Variants in GRID2 observed in about 807,000 individuals in gnomAD.
GRID2 encodes glutamate receptor ionotropic, delta-2.
A neutral mutation model predicts 114.8 loss-of-function variants in GRID2; 33 were observed. The observed-to-expected ratio is 0.29, with a 90% CI of 0.22 to 0.38. The LOEUF (loss-of-function observed/expected upper bound fraction) is 0.38, where lower values mean the gene tolerates loss of function less well. GRID2 is among the 10% of genes least tolerant of loss of function. The probability of loss-of-function intolerance (pLI) is 1.00; values close to 1 mark genes in which losing one functional copy is unlikely to be tolerated. For synonymous variants in GRID2, 505 were observed against 449.9 expected, an observed-to-expected ratio of 1.12 and a Z score of -1.55; for missense variants, 1,184 against 1,257.7, an observed-to-expected ratio of 0.94 and a Z score of 0.89.
chr4:93,137,378 A>C (rs935616356), intron 4 of GRID2, among the ~76,000 whole-genome samples: 4 of 152,190 alleles, frequency 2.6e-5, no homozygotes, highest in Non-Finnish European at 5.9e-5. Context: ...AGAAATTTGC[A>C]TTTTATATTA....
chr4:93,327,708 G>A lies in GRID2; in HGVS notation c.1246-67899G>A, dbSNP rs1258435377. On this transcript the variant is annotated intron_variant, in intron 8 of 15. Coordinates refer to ENST00000282020, the MANE Select transcript of GRID2 (RefSeq NM_001510.4). ...AATAATGTGTACACATGGACATAGT[G>A]TGGAAAGGTAGAAAATGGAGACTGG... Among the ~76,000 whole-genome samples the A allele has an allele frequency of 5.3e-5, 8 of 151,434 alleles. 1 individual carries two copies.
At chr4:93,336,713 A>G (rs1414985553) in intron 8 of GRID2, among the ~76,000 whole-genome samples, 1 of 152,140 alleles carries the variant, frequency 6.6e-6, no homozygotes, top group African/African-American at 2.4e-5. Context: ...GGTATTGTCC[A>G]AGAAAAAAAG....
chr4:93,367,977 C>A (rs1177534476), intron 8 of GRID2, among the ~76,000 whole-genome samples: 2 of 152,210 alleles, frequency 1.3e-5, no homozygotes, highest in South Asian at 2.1e-4. Context: ...GACATGAATT[C>A]ATTTCAGAGA....
At chr4:92,641,748 A>G (rs193002026) in intron 2 of GRID2, among the ~76,000 whole-genome samples, 1 of 151,780 alleles carries the variant, frequency 6.6e-6, no homozygotes, top group Non-Finnish European at 1.5e-5. Flanking sequence ...GGTAGTGAGT[A>G]TAGTACCCAA....
chr4:93,223,634 G>A (rs1745147594), intron 6 of GRID2, among the ~76,000 whole-genome samples: 1 of 151,928 alleles, frequency 6.6e-6, no homozygotes, highest in South Asian at 2.1e-4. Context: ...AAACACAAAT[G>A]CTTTAAGATG....
chr4:92,562,445 T>G (rs570714109), intron 1 of GRID2, among the ~76,000 whole-genome samples: 1 of 152,176 alleles, frequency 6.6e-6, no homozygotes, highest in South Asian at 2.1e-4. Flanking sequence ...TACCATAACT[T>G]CACAACTAAT....
At chr4:93,249,049 C>T (rs1748523761) in intron 8 of GRID2, among the ~76,000 whole-genome samples, 1 of 152,116 alleles carries the variant, frequency 6.6e-6, no homozygotes, top group African/African-American at 2.4e-5. Context: ...GATGCTTACT[C>T]TTTCCCATTT....
At chr4:92,578,716 T>TTATCTATCTATCAATCAATCAATC (rs1553902699) in intron 1 of GRID2, among the ~76,000 whole-genome samples, 2 of 111,080 alleles carry the variant, frequency 1.8e-5, no homozygotes, top group African/African-American at 6.9e-5. Flanking sequence ...AAAAATATCA[T>TTATCTATCTATCAATCAATCAATC]TATCTATCTA....
chr4:93,391,782 AGTAC>A (rs1764878711), intron 8 of GRID2, among the ~76,000 whole-genome samples: 1 of 152,212 alleles, frequency 6.6e-6, no homozygotes, highest in Non-Finnish European at 1.5e-5. Context: ...CTTGATCATT[AGTAC>A]ACATGTTAGG....
intron 2 of GRID2, among the ~76,000 whole-genome samples, chr4:92,678,691 T>C (rs1733504184): frequency 6.6e-6 from 1 of 151,966 alleles, no homozygotes; most frequent in Admixed American, 6.5e-5. Context: ...TGATAATGTA[T>C]GCTTTGATGA....
chr4:93,139,359 A>G (rs1197758955), intron 4 of GRID2, among the ~76,000 whole-genome samples: 1 of 152,126 alleles, frequency 6.6e-6, no homozygotes, highest in African/African-American at 2.4e-5. Context: ...CACTGAACAC[A>G]TTATTCTCCC....
At chr4:92,432,979 A>C (rs898850370) in intron 1 of GRID2, among the ~76,000 whole-genome samples, 3 of 151,888 alleles carry the variant, frequency 2.0e-5, no homozygotes, top group African/African-American at 7.3e-5. Flanking sequence ...CCTTCCAAAA[A>C]CGGTCCTTCC....
chr4:93,038,218 C>T (rs1725108163), intron 2 of GRID2, among the ~76,000 whole-genome samples: 1 of 152,084 alleles, frequency 6.6e-6, no homozygotes, highest in Non-Finnish European at 1.5e-5. Context: ...CTCTTTGTAG[C>T]ATTTGTGAAT....
chr4:93,453,347 AGAGAGAGAGAGAGT>A (rs1447076535), intron 10 of GRID2, among the ~76,000 whole-genome samples: 29 of 122,346 alleles, frequency 2.4e-4, no homozygotes, highest in East Asian at 4.4e-4. Context: ...AGAGAGAGAG[AGAGAGAGAGAGAGT>A]GTGTGTATTT....
At chr4:93,676,734 T>A in intron 14 of GRID2, among the ~76,000 whole-genome samples, 1 of 133,380 alleles carries the variant, frequency 7.5e-6, no homozygotes, top group Non-Finnish European at 1.6e-5. Context: ...AATAATGAAA[T>A]TAAAAAAAAA....
chr4:93,449,009 CT>C (rs985449625), intron 10 of GRID2, among the ~76,000 whole-genome samples: 17 of 147,262 alleles, frequency 1.2e-4, no homozygotes, highest in Middle Eastern at 3.4e-3. Flanking sequence ...TCCTCCTTCC[CT>C]TTTTTTTCCA....
At chr4:92,986,885 G>A (rs1039252810) in intron 2 of GRID2, among the ~76,000 whole-genome samples, 2 of 152,142 alleles carry the variant, frequency 1.3e-5, no homozygotes, top group African/African-American at 4.8e-5. Flanking sequence ...CTTAGAAAAT[G>A]TGGACAGCTT....
At chr4:93,049,500 T>A (rs957981144) in intron 2 of GRID2, among the ~76,000 whole-genome samples, 1 of 151,608 alleles carries the variant, frequency 6.6e-6, no homozygotes, top group African/African-American at 2.4e-5. Flanking sequence ...CAAATGTGAG[T>A]CTGAAATTAT....
chr4:92,768,097 T>C (rs531750830), intron 2 of GRID2, among the ~76,000 whole-genome samples: 1 of 152,282 alleles, frequency 6.6e-6, no homozygotes, highest in East Asian at 1.9e-4. Context: ...AAAGTTGTGA[T>C]TGAAAATAAA....
Sources: allele counts gnomAD v4.1 joint callset (sites outside exome capture counted in the v4.1 genomes callset), GRCh38; gene constraint gnomAD v4.1.1; transcripts MANE v1.5; gene names NCBI Gene and HGNC (gene_info 2026-07-23, HGNC 2026-07-21).